The following ARHGAP35 variants were observed in gnomAD, a reference collection of about 807,000 sequenced individuals.
ARHGAP35 encodes rho GTPase-activating protein 35.
Under a neutral mutation model 111.1 loss-of-function variants are expected in ARHGAP35, and 15 were observed. The ratio of observed to expected loss-of-function variants is 0.13; its 90% CI spans 0.09 to 0.21. The LOEUF (loss-of-function observed/expected upper bound fraction) is 0.21, where lower values mean the gene tolerates loss of function less well. ARHGAP35 is among the 10% of genes least tolerant of loss of function. ARHGAP35 has a pLI of 1.00. For missense variants in ARHGAP35, 1,262 were observed against 1,873.0 expected (o/e 0.67, Z 6.02); for synonymous variants, 643 against 710.3 (o/e 0.91, Z 1.51).
intron 1 of ARHGAP35, among the ~76,000 whole-genome samples, chr19:46,876,160 A>G (rs1337414174): frequency 1.3e-5 from 2 of 151,376 alleles, no homozygotes; most frequent in South Asian, 2.1e-4. Context: ...ACTGTGTGTC[A>G]TTATTAGTGC....
At position 46,908,189 on chromosome 19, in the gene ARHGAP35, T is replaced by TA. The variant is rs910157682; in HGVS notation, c.-188-10290dup. On this transcript the variant is annotated intron_variant, in intron 1 of 6. Coordinates refer to ENST00000672722, the MANE Select transcript of ARHGAP35 (RefSeq NM_004491.5). The surrounding 1 kb of genome is among the most constrained non-coding windows in gnomAD (Gnocchi z 4.2). ...GAACTTTTTTCCTAGTGAGAAGTTT[T>TA]AAAAAAAAATTAGTAGAGTATAACT... Among the ~76,000 whole-genome samples the TA allele has an allele frequency of 1.4e-4, 21 of 151,990 alleles. No individual in the cohort carries two copies. The highest frequency in any genetic ancestry group is 3.9e-4 in the Admixed American group (6 of 15,260).
rs927337430 is a variant in ARHGAP35 at position 47,000,235 on chromosome 19, A to G, written c.4143-96A>G. ...CCTTTTCTGCTCCACCTGAGGGAAG[A>G]AAGGTGGGCTCAGCCTGGGTGCTGA... On this transcript the variant is annotated intron_variant, in intron 6 of 6. Transcript: ENST00000672722. The surrounding 1 kb of genome is among the most constrained non-coding windows in gnomAD (Gnocchi z 6.9). 9 of 1,309,448 alleles carry G rather than the reference A, an allele frequency of 6.9e-6. No individual in the cohort carries two copies. In the Admixed American group the frequency reaches 1.9e-4, roughly 27 times the overall value. The allele number at this position is 1,309,448 out of a possible 1,614,324, so 81.1% of individuals were successfully genotyped here.
At chr19:46,956,505 C>T (rs2056440075) in intron 3 of ARHGAP35, among the ~76,000 whole-genome samples, 1 of 151,638 alleles carries the variant, frequency 6.6e-6, no homozygotes, top group African/African-American at 2.4e-5. Context: ...TTGCAACCTC[C>T]GCCTCCCATG....
chr19:47,001,201 T>A lies in ARHGAP35; in HGVS notation c.*513T>A, dbSNP rs1055460645. On this transcript the variant is annotated 3_prime_UTR_variant, in exon 7 of 7. Transcript: ENST00000672722. The surrounding 1 kb of genome is among the most constrained non-coding windows in gnomAD (Gnocchi z 5.4). ...GGCTGGCGGCCTCCTTGGGAACGTG[T>A]AGGCCACGGCTCTGCCACCACTAGG... 1 of 1,264,666 alleles carries A rather than the reference T, an allele frequency of 7.9e-7. No individual in the cohort carries two copies. The highest frequency in any genetic ancestry group is 1.0e-6 in the Non-Finnish European group (1 of 977,246). The allele number at this position is 1,264,666 out of a possible 1,614,324, so 78.3% of individuals were successfully genotyped here. A position where few individuals can be genotyped will look rare whatever the true frequency, so the allele number is the denominator to read the frequency against.
chr19:46,985,802 C>T (rs1331582085), intron 3 of ARHGAP35, among the ~76,000 whole-genome samples: 1 of 152,044 alleles, frequency 6.6e-6, no homozygotes, highest in Non-Finnish European at 1.5e-5. Context: ...CCTTTTCTCT[C>T]GGGGAAAGGG....
chr19:46,964,317 C>T (rs1004703659), intron 3 of ARHGAP35, among the ~76,000 whole-genome samples: 8 of 151,050 alleles, frequency 5.3e-5, no homozygotes, highest in South Asian at 2.1e-4. Flanking sequence ...CAGGCTGGAG[C>T]GCTGCAGTGG....
rs1184131356 is a variant in ARHGAP35 at position 46,926,080 on chromosome 19, C to A, written c.3681+3724C>A. On this transcript the variant is annotated intron_variant, in intron 2 of 6. Transcript: ENST00000672722. The surrounding 1 kb of genome is among the most constrained non-coding windows in gnomAD (Gnocchi z 4.1). ...ACTGAGCTGCTTTCTTGGTACTTAC[C>A]CTAGCAACCACCCTAACAAAAAAAT... 6.6e-6 allele frequency among the ~76,000 whole-genome samples: 1 copy of A among 152,076 alleles called. No individual in the cohort carries two copies. Among genetic ancestry groups the A allele is most frequent in the African/African-American group, 2.4e-5 (1 of 41,388 alleles).
At chr19:46,869,165 C>A (rs1014186918) in intron 1 of ARHGAP35, among the ~76,000 whole-genome samples, 2 of 151,982 alleles carry the variant, frequency 1.3e-5, no homozygotes, top group Non-Finnish European at 2.9e-5. Flanking sequence ...CCTTGGCCTC[C>A]CAGAGTGCTG....
rs768711914 is a variant in ARHGAP35, at chr19:47,000,443, C to T, written c.4255C>T (p.Arg1419Cys). ...CACTATGGACGCCCTCACAGCCACG[C>T]GCACCTACCAGACAATCATTGAACT... is the stretch of plus-strand genomic sequence containing the variant. ...FSTMDALTAT[R>C]TYQTIIELFI... Residue 1419 changes from arginine to cysteine, a missense_variant, in exon 7 of 7, where the codon CGC (arginine) becomes TGC (cysteine). Arg to Cys is a radical substitution (Grantham distance 180). Coordinates refer to ENST00000672722, the MANE Select transcript of ARHGAP35 (RefSeq NM_004491.5). This position sits in a 1 kb window ranked among gnomAD's most constrained non-coding sequence, Gnocchi z 6.9. 9.9e-6 allele frequency: 16 copies of T among 1,613,762 alleles called. No homozygotes were observed. Among genetic ancestry groups the T allele is most frequent in the Non-Finnish European group, 1.0e-5 (12 of 1,179,860 alleles).
chr19:46,917,313 T>TAA (rs576896951), intron 1 of ARHGAP35, among the ~76,000 whole-genome samples: 405 of 152,318 alleles, frequency 2.7e-3, no homozygotes, highest in Non-Finnish European at 4.5e-3. Context: ...TCCTTCCCTT[T>TAA]AAAGGCTGAA....
intron 3 of ARHGAP35, among the ~76,000 whole-genome samples, chr19:46,950,995 C>T (rs1032719086): frequency 6.6e-6 from 1 of 152,166 alleles, no homozygotes; most frequent in Non-Finnish European, 1.5e-5. Flanking sequence ...GGCTCTTACC[C>T]CAGTCCCTTT....
intron 3 of ARHGAP35, among the ~76,000 whole-genome samples, chr19:46,969,388 T>C (rs570420690): frequency 6.6e-6 from 1 of 152,190 alleles, no homozygotes; most frequent in South Asian, 2.1e-4. Context: ...TTTCACTGAG[T>C]CTGCAGTGGC....
At position 46,922,016 on chromosome 19, in the gene ARHGAP35, G is replaced by A. The variant is rs1329023641; in HGVS notation, c.3341G>A (p.Gly1114Asp). The A allele has an allele frequency of 3.1e-6, 5 of 1,613,798 alleles. No individual in the cohort carries two copies. The highest frequency in any genetic ancestry group is 4.2e-6 in the Non-Finnish European group (5 of 1,179,886). Residue 1114 changes from glycine to aspartate, a missense_variant, in exon 2 of 7, where the codon GGC becomes GAC. Physicochemically the swap from Gly to Asp is moderately conservative, Grantham distance 94. This residue lies in a region of ARHGAP35 where 579 missense variants were observed against 716.9 expected (regional missense o/e 0.81). Transcript: ENST00000672722. The surrounding 1 kb of genome is among the most constrained non-coding windows in gnomAD (Gnocchi z 4.0). ...TCCGTGCCCCATGACAGCACCCAAG[G>A]CAAAATCATCACCATTCGGAATATC... ...IYSVPHDSTQ[G>D]KIITIRNINK...
intron 1 of ARHGAP35, among the ~76,000 whole-genome samples, chr19:46,884,689 G>T (rs2055984181): frequency 6.6e-6 from 1 of 151,628 alleles, no homozygotes; most frequent in South Asian, 2.1e-4. Context: ...GTTTTGCCAT[G>T]TTGCCCCAGC....
Position 46,986,641 on chromosome 19 carries a change from TG to T in ARHGAP35, c.3827-1347del, listed in dbSNP as rs781150924. 3.0e-4 allele frequency among the ~76,000 whole-genome samples: 46 copies of T among 152,222 alleles called. No homozygotes were observed. The highest frequency in any genetic ancestry group is 8.2e-4 in the African/African-American group (34 of 41,534). On this transcript the variant is annotated intron_variant, in intron 3 of 6. Coordinates refer to ENST00000672722, the MANE Select transcript of ARHGAP35 (RefSeq NM_004491.5). This position sits in a 1 kb window ranked among gnomAD's most constrained non-coding sequence, Gnocchi z 4.3. The stretch of plus-strand genomic sequence containing the variant: ...GAAGACAGATAACAAAAAGGAAAAA[TG>T]TAAACATATATAACGTTGATATAAT...
In ARHGAP35 at chr19:47,001,050, T is replaced by C; in HGVS notation, c.*362T>C. On this transcript the variant is annotated 3_prime_UTR_variant, in exon 7 of 7. Transcript: ENST00000672722. This position sits in a 1 kb window ranked among gnomAD's most constrained non-coding sequence, Gnocchi z 5.4. Reference sequence around the variant, plus strand: ...CCATGGTCGGGACAGTGCCCTGGCCTTTGCCGGGGAGGAGGATGCTCTGAG... The same window carrying C: ...CCATGGTCGGGACAGTGCCCTGGCCCTTGCCGGGGAGGAGGATGCTCTGAG... The C allele has an allele frequency of 7.4e-7, 1 of 1,356,724 alleles. No homozygotes were observed. Among genetic ancestry groups the C allele is most frequent in the South Asian group, 1.3e-5 (1 of 77,454 alleles). The allele number at this position is 1,356,724 out of a possible 1,614,324, so 84.0% of individuals were successfully genotyped here.
chr19:47,001,816 C>T lies in ARHGAP35; in HGVS notation c.*1128C>T. The T allele has an allele frequency of 4.8e-6, 1 of 208,598 alleles. No homozygotes were observed. The highest frequency in any genetic ancestry group is 8.0e-5 in the South Asian group (1 of 12,500). The allele number at this position is 208,598 out of a possible 1,614,324, so 12.9% of individuals were successfully genotyped here. A position where few individuals can be genotyped will look rare whatever the true frequency, so the allele number is the denominator to read the frequency against. On this transcript the variant is annotated 3_prime_UTR_variant, in exon 7 of 7. Transcript: ENST00000672722. This position sits in a 1 kb window ranked among gnomAD's most constrained non-coding sequence, Gnocchi z 5.4. ...GGACAGCTGGAAGGTGCCAGGTGCA[C>T]TTGGGGTTGGGGTTGGTGTGTTGGG...
chr19:46,861,527 A>G (rs987620764), intron 1 of ARHGAP35, among the ~76,000 whole-genome samples: 2 of 131,764 alleles, frequency 1.5e-5, no homozygotes, highest in Admixed American at 1.6e-4. Context: ...ACTTCAGCCA[A>G]CCGGTTCCCA....
At chr19:46,905,132 C>G (rs777747823) in intron 1 of ARHGAP35, among the ~76,000 whole-genome samples, 1 of 152,172 alleles carries the variant, frequency 6.6e-6, no homozygotes, top group Non-Finnish European at 1.5e-5. Flanking sequence ...ATTCTTGTCT[C>G]CTGGCCTAGC....
Sources: gnomAD v4.1 joint callset for allele counts (sites outside exome capture counted in the v4.1 genomes callset) on GRCh38, gnomAD v4.1.1 for gene constraint, gnomAD v4.1.1 regional missense constraint, Gnocchi (gnomAD v3.1) non-coding constraint, MANE v1.5 for transcripts, NCBI Gene and HGNC (gene_info 2026-07-23, HGNC 2026-07-21) for gene names.